DNAH6: variants seen among roughly 807,000 people sequenced by gnomAD.
DNAH6 encodes the protein dynein axonemal heavy chain 6.
Under a neutral mutation model 491.4 loss-of-function variants are expected in DNAH6, and 340 were observed. That is an observed-to-expected ratio of 0.69 (90% confidence interval 0.63 to 0.76). The LOEUF (loss-of-function observed/expected upper bound fraction) is 0.76, where lower values mean the gene tolerates loss of function less well. Ranked by LOEUF, DNAH6 falls within the 30% of genes least tolerant of loss-of-function variation. The pLI is 0.00. For synonymous variants in DNAH6, 1,603 were observed against 1,686.1 expected (o/e 0.95, Z 1.21); for missense variants, 4,443 against 4,972.2 (o/e 0.89, Z 3.20).
the DNAH6 span, among the ~76,000 whole-genome samples, chr2:84,487,748 G>A: frequency 6.6e-6 from 1 of 152,206 alleles, no homozygotes; most frequent in Non-Finnish European, 1.5e-5. Context: ...TGGGCCCACT[G>A]GTGGAAGAAG....
At chr2:84,617,184 GGTAA>G (rs1343249174) in intron 23 of DNAH6, among the ~76,000 whole-genome samples, 2 of 151,326 alleles carry the variant, frequency 1.3e-5, no homozygotes, top group Non-Finnish European at 2.9e-5. Flanking sequence ...TAGTTAAGTG[GGTAA>G]GTAAGATGCT....
the DNAH6 span, among the ~76,000 whole-genome samples, chr2:84,480,074 CA>C: frequency 6.6e-6 from 1 of 152,196 alleles, no homozygotes; most frequent in Non-Finnish European, 1.5e-5. Context: ...CATTGTCTAA[CA>C]AGCCCACCAA....
chr2:84,628,000 A>G (rs900992185), intron 29 of DNAH6, among the ~76,000 whole-genome samples: 2 of 152,092 alleles, frequency 1.3e-5, no homozygotes, highest in Admixed American at 1.3e-4. Context: ...AGGGCAGCCA[A>G]CTCCTTGGCA....
intron 64 of DNAH6, among the ~76,000 whole-genome samples, chr2:84,766,121 G>A (rs1675052588): frequency 6.6e-6 from 1 of 151,930 alleles, no homozygotes; most frequent in Non-Finnish European, 1.5e-5. Flanking sequence ...CATTAATATG[G>A]AAAATTTTAA....
At chr2:84,570,681 T>A (rs567282885) in intron 11 of DNAH6, among the ~76,000 whole-genome samples, 18 of 152,114 alleles carry the variant, frequency 1.2e-4, no homozygotes, top group African/African-American at 4.1e-4. Flanking sequence ...ATGGGCCCAT[T>A]AGCACTCTGT....
the DNAH6 span, among the ~76,000 whole-genome samples, chr2:84,475,850 G>T: frequency 5.3e-5 from 8 of 152,148 alleles, no homozygotes; most frequent in African/African-American, 1.9e-4. Context: ...CTGAAAGAAG[G>T]ATATTTTTCC....
At chr2:84,613,500 C>G (rs1310678008) in intron 22 of DNAH6, among the ~76,000 whole-genome samples, 2 of 152,044 alleles carry the variant, frequency 1.3e-5, no homozygotes, top group East Asian at 3.9e-4. Flanking sequence ...GGTGGGGACA[C>G]CAGCTGCTAT....
intron 62 of DNAH6, among the ~76,000 whole-genome samples, chr2:84,743,592 C>T (rs1269696204): frequency 6.6e-6 from 1 of 152,088 alleles, no homozygotes; most frequent in Non-Finnish European, 1.5e-5. Context: ...GAGGCTGAGG[C>T]GAGTGGATTG....
At chr2:84,589,144 C>A (rs1404904299) in intron 16 of DNAH6, among the ~76,000 whole-genome samples, 190 bp downstream of exon 16, 4 of 152,170 alleles carry the variant, frequency 2.6e-5, no homozygotes, top group Non-Finnish European at 5.9e-5. Context: ...AAGACTAACA[C>A]ACATGAGATA....
At chr2:84,749,521 T>G (rs1573691854) in intron 63 of DNAH6, among the ~76,000 whole-genome samples, 1 of 152,148 alleles carries the variant, frequency 6.6e-6, no homozygotes, top group African/African-American at 2.4e-5. Context: ...GTGAAAGAGA[T>G]AGGATGTGCA....
At chr2:84,553,365 TTTTCTTTCTTTCTTTCTTTCTTTCTTTC>T (rs869077601) in intron 10 of DNAH6, among the ~76,000 whole-genome samples, 2 of 19,800 alleles carry the variant, frequency 1.0e-4, no homozygotes, top group Admixed American at 5.7e-4. Context: ...TTTTCTTTTC[TTTTCTTTCTTTCTTTCTTTCTTTCTTTC>T]TTTCTTTCTT....
intron 14 of DNAH6, among the ~76,000 whole-genome samples, chr2:84,581,597 T>C (rs893397996): frequency 6.6e-6 from 1 of 152,078 alleles, no homozygotes; most frequent in African/African-American, 2.4e-5. Flanking sequence ...ACATGAAACA[T>C]TCAGGTGGGC....
At chr2:84,595,004 G>C (rs1044156038) in intron 17 of DNAH6, among the ~76,000 whole-genome samples, 13 of 152,132 alleles carry the variant, frequency 8.5e-5, no homozygotes, top group African/African-American at 3.1e-4. Context: ...CAGCTTAAAG[G>C]ATTTTCTGAT....
intron 20 of DNAH6, among the ~76,000 whole-genome samples, chr2:84,606,512 A>G (rs573479983): frequency 1.3e-5 from 2 of 152,190 alleles, no homozygotes; most frequent in Admixed American, 1.3e-4. Flanking sequence ...CTGTATAACC[A>G]TTCAGAGCTT....
chr2:84,693,465 C>T (rs182917638), intron 45 of DNAH6, among the ~76,000 whole-genome samples: 11 of 152,154 alleles, frequency 7.2e-5, no homozygotes, highest in East Asian at 1.9e-4. Context: ...TCCTGTTGGC[C>T]GGGCGTGGTG....
intron 16 of DNAH6, among the ~76,000 whole-genome samples, chr2:84,592,801 A>G (rs775990564): frequency 3.3e-5 from 5 of 152,182 alleles, no homozygotes; most frequent in Non-Finnish European, 7.4e-5. Context: ...GACCTGGAGG[A>G]CATTATGCTT....
intron 41 of DNAH6, 69 bp from the exon 42 acceptor site, chr2:84,681,288 G>C (rs1693752361): frequency 7.7e-7 from 1 of 1,293,094 alleles, no homozygotes; most frequent in Non-Finnish European, 1.0e-6. Flanking sequence ...TTATCATCCG[G>C]AGTATTTAAA....
intron 11 of DNAH6, among the ~76,000 whole-genome samples, chr2:84,559,776 AG>A (rs1390672861): frequency 6.6e-6 from 1 of 152,226 alleles, no homozygotes; most frequent in African/African-American, 2.4e-5. Context: ...ATATTCTCAA[AG>A]AAGCATTCAA....
In DNAH6 at chr2:84,816,062, G is replaced by C; in HGVS notation, c.12352G>C (p.Ala4118Pro). 1 of 1,551,420 alleles carries C rather than the reference G, an allele frequency of 6.4e-7. No homozygotes were observed. The highest frequency in any genetic ancestry group is 8.7e-7 in the Non-Finnish European group (1 of 1,146,818). The stretch of plus-strand genomic sequence containing the variant: ...CCCACTTTATAAAACAGGAGCCCGG[G>C]CAGGAACACTCTCAACCACAGGTGA... ...HCPLYKTGAR[A>P]GTLSTTGHST... Residue 4118 changes from alanine (A) to proline (P), a missense_variant, in exon 76 of 77, where the codon GCA (alanine) becomes CCA (proline). Physicochemically the swap from Ala to Pro is conservative, Grantham distance 27. Transcript: ENST00000389394.
Sources: allele counts gnomAD v4.1 joint callset (sites outside exome capture counted in the v4.1 genomes callset), GRCh38; gene constraint gnomAD v4.1.1; transcripts MANE v1.5; gene names NCBI Gene and HGNC (gene_info 2026-07-23, HGNC 2026-07-21).